The following RBM27 variants were observed in gnomAD, a reference collection of about 807,000 sequenced individuals.
RBM27 encodes RNA binding motif protein 27, also known as RNA-binding protein 27.
RBM27 carries 22 observed loss-of-function variants against 135.3 expected under a neutral mutation model. That is an observed-to-expected ratio of 0.16 (90% CI 0.12 to 0.23). The LOEUF (loss-of-function observed/expected upper bound fraction) is 0.23, where lower values mean the gene tolerates loss of function less well. RBM27 is among the 10% of genes least tolerant of loss of function. The probability of loss-of-function intolerance (pLI) is 1.00; values close to 1 mark genes in which losing one functional copy is unlikely to be tolerated. For synonymous variants in RBM27, 481 were observed against 442.4 expected, an observed-to-expected ratio of 1.09 and a Z score of -1.10; for missense variants, 1,009 against 1,281.0, an observed-to-expected ratio of 0.79 and a Z score of 3.24.
chr5:146,208,371 G>A (rs572572067), intron 1 of RBM27, among the ~76,000 whole-genome samples: 7 of 152,270 alleles, frequency 4.6e-5, no homozygotes, highest in East Asian at 1.9e-4. Flanking sequence ...TGTAGGTGGC[G>A]AACATGTCTA....
chr5:146,217,228 A>G (rs557589110), intron 1 of RBM27, among the ~76,000 whole-genome samples: 4 of 152,098 alleles, frequency 2.6e-5, no homozygotes, highest in African/African-American at 7.2e-5. Context: ...TGGCCTCCCA[A>G]AGTGCTAGGA....
At chr5:146,254,133 G>A (rs539644647) in intron 9 of RBM27, among the ~76,000 whole-genome samples, 3 of 152,268 alleles carry the variant, frequency 2.0e-5, no homozygotes, top group Admixed American at 6.5e-5. Flanking sequence ...CACATATGGT[G>A]TTTGTGTATG....
At chr5:146,273,531 C>T (rs1257754676) in intron 19 of RBM27, among the ~76,000 whole-genome samples, 1 of 151,984 alleles carries the variant, frequency 6.6e-6, no homozygotes, top group Non-Finnish European at 1.5e-5. Context: ...AGCATACTAT[C>T]AGAAAGGGTA....
chr5:146,281,476 T>G (rs184842616), intron 19 of RBM27, among the ~76,000 whole-genome samples: 5 of 152,332 alleles, frequency 3.3e-5, no homozygotes, highest in Admixed American at 2.6e-4. Flanking sequence ...TTGGCTTCCC[T>G]GGACCACACT....
At chr5:146,232,841 A>C (rs1255482197) in intron 6 of RBM27, among the ~76,000 whole-genome samples, 1 of 152,198 alleles carries the variant, frequency 6.6e-6, no homozygotes, top group Non-Finnish European at 1.5e-5. Context: ...TGCTGATATT[A>C]CAGGCGTGAG....
intron 8 of RBM27, 34 bp downstream of exon 8, chr5:146,237,466 G>C (rs753773830): frequency 6.2e-7 from 1 of 1,609,206 alleles, no homozygotes; most frequent in African/African-American, 1.3e-5. Flanking sequence ...AAATTGACAG[G>C]GTATAGAAAA....
At chr5:146,228,820 C>T in intron 3 of RBM27, 126 bp from the exon 4 acceptor site, 1 of 613,900 alleles carries the variant, frequency 1.6e-6, no homozygotes, top group Non-Finnish European at 2.9e-6. Flanking sequence ...CCTGTGTTTC[C>T]CAGGCTGGTC....
chr5:146,211,339 A>G (rs1755934070), intron 1 of RBM27, among the ~76,000 whole-genome samples: 1 of 152,114 alleles, frequency 6.6e-6, no homozygotes, highest in Admixed American at 6.6e-5. Flanking sequence ...TAGCCCAAAC[A>G]GACTAAGAGA....
intron 1 of RBM27, among the ~76,000 whole-genome samples, chr5:146,207,212 T>A (rs569625877): frequency 7.9e-5 from 12 of 152,240 alleles, no homozygotes; most frequent in African/African-American, 2.9e-4. Flanking sequence ...ACTGTGCACA[T>A]GATTTTCTTT....
At position 146,249,739 on chromosome 5, in the gene RBM27, A is replaced by G. The variant is rs1757802100; in HGVS notation, c.1280-1972A>G. Among the ~76,000 whole-genome samples, 3 of 150,832 alleles carry G rather than the reference A, an allele frequency of 2.0e-5. No homozygotes were observed. In the South Asian group the frequency reaches 6.2e-4, roughly 31 times the overall value. On this transcript the variant is annotated intron_variant, in intron 8 of 20. Transcript: ENST00000265271. ...AAAAAAGAAAAAAAGAAAATATGTT[A>G]TATTGTTTTTGCAGTGTAATAATTA...
At chr5:146,284,779 A>G (rs1297009246) in intron 20 of RBM27, 47 bp downstream of exon 20, 6 of 1,161,826 alleles carry the variant, frequency 5.2e-6, no homozygotes, top group Non-Finnish European at 7.6e-6. Context: ...TCACTTCTCA[A>G]TTATGTATTT....
At position 146,286,089 on chromosome 5, in the gene RBM27, A is replaced by C; in HGVS notation, c.*59A>C. On this transcript the variant is annotated 3_prime_UTR_variant, in exon 21 of 21. Transcript: ENST00000265271. ...TTGTTTAGAAGAACAACTTTTAAAA[A>C]TTATTTAAAAGAAGTCAATGAGCCA... is the stretch of plus-strand genomic sequence containing the variant. 1 of 1,494,300 alleles carries C rather than the reference A, an allele frequency of 6.7e-7. No homozygotes were observed. The highest frequency in any genetic ancestry group is 1.3e-5 in the South Asian group (1 of 79,930). 92.6% of individuals were successfully genotyped at this position (1,494,300 alleles called of 1,614,324 possible).
At chr5:146,273,033 C>T (rs918071228) in intron 19 of RBM27, among the ~76,000 whole-genome samples, 3 of 152,078 alleles carry the variant, frequency 2.0e-5, no homozygotes, top group Admixed American at 6.6e-5. Context: ...GAAGGCCGCA[C>T]GAATGTTGAT....
chr5:146,220,430 G>A (rs1052777305), intron 2 of RBM27, among the ~76,000 whole-genome samples: 105 of 148,030 alleles, frequency 7.1e-4, no homozygotes, highest in Non-Finnish European at 1.3e-3. Context: ...AGCCAAGATC[G>A]CGCCACTGCA....
intron 1 of RBM27, among the ~76,000 whole-genome samples, chr5:146,210,685 T>C (rs34141601): frequency 0.38 from 57,559 of 152,058 alleles, 11,447 homozygotes; most frequent in African/African-American, 0.48. Flanking sequence ...CGGTGGCTCA[T>C]GCCTGTAATC....
intron 1 of RBM27, among the ~76,000 whole-genome samples, chr5:146,212,862 C>G (rs560340226): frequency 6.6e-6 from 1 of 152,112 alleles, no homozygotes; most frequent in African/African-American, 2.4e-5. Context: ...TACAAGCACC[C>G]ACTACCGTGC....
In RBM27 at chr5:146,275,405, G is replaced by A. The variant is rs190653247; in HGVS notation, c.2988+3731G>A. 4.6e-5 allele frequency among the ~76,000 whole-genome samples: 7 copies of A among 151,794 alleles called. No individual in the cohort carries two copies. In the East Asian group the frequency reaches 1.4e-3, roughly 29 times the overall value. ...CCTACCTCAGTCCCTCCAGTAGTTG[G>A]GATTACAGGCGTACACCTCCTGGCT... is the stretch of plus-strand genomic sequence containing the variant. On this transcript the variant is annotated intron_variant, in intron 19 of 20. Coordinates refer to ENST00000265271, the MANE Select transcript of RBM27 (RefSeq NM_018989.2).
intron 8 of RBM27, among the ~76,000 whole-genome samples, chr5:146,241,732 T>C (rs1757416222): frequency 6.6e-6 from 1 of 152,162 alleles, no homozygotes; most frequent in Non-Finnish European, 1.5e-5. Flanking sequence ...GTGCTGGGAT[T>C]ACAAGTGTGA....
intron 1 of RBM27, among the ~76,000 whole-genome samples, chr5:146,206,906 C>T (rs1414012838): frequency 4.6e-5 from 7 of 152,046 alleles, no homozygotes; most frequent in African/African-American, 1.7e-4. Context: ...TTTAACTCAC[C>T]TAAGTAACAG....
Sources: allele counts gnomAD v4.1 joint callset (sites outside exome capture counted in the v4.1 genomes callset), GRCh38; gene constraint gnomAD v4.1.1; transcripts MANE v1.5; gene names NCBI Gene and HGNC (gene_info 2026-07-23, HGNC 2026-07-21).